The following RFTN1 variants were observed in gnomAD, a reference collection of about 807,000 sequenced individuals.
RFTN1 encodes the protein raftlin.
In RFTN1, 26 loss-of-function variants were observed where a neutral mutation model predicts 46.5. The ratio of observed to expected loss-of-function variants is 0.56; its 90% CI spans 0.41 to 0.78. The LOEUF (loss-of-function observed/expected upper bound fraction) is 0.78, where lower values mean the gene tolerates loss of function less well. Ranked by LOEUF, RFTN1 falls within the 30% of genes least tolerant of loss-of-function variation. The pLI is 0.00. For missense variants in RFTN1, 693 were observed against 718.7 expected, an observed-to-expected ratio of 0.96 and a Z score of 0.41; for synonymous variants, 261 against 284.2, an observed-to-expected ratio of 0.92 and a Z score of 0.82.
intron 5 of RFTN1, among the ~76,000 whole-genome samples, chr3:16,371,629 C>T (rs1455318228): frequency 1.3e-5 from 2 of 152,222 alleles, no homozygotes; most frequent in Non-Finnish European, 2.9e-5. Flanking sequence ...ATTACTTTGT[C>T]ATCAGCAATA....
rs1463447172 is a variant in RFTN1 at position 16,467,992 on chromosome 3, A to C, written c.145+25733T>G. Reference sequence around the variant, plus strand: ...ACTACTACCCCCAAATTAATTCCTCAGCAAGCCTTTCCCATTCATTATCAT... The same window carrying C: ...ACTACTACCCCCAAATTAATTCCTCCGCAAGCCTTTCCCATTCATTATCAT... On this transcript the variant is annotated intron_variant, in intron 2 of 9. Coordinates refer to ENST00000334133, the MANE Select transcript of RFTN1 (RefSeq NM_015150.2). Among the ~76,000 whole-genome samples, 6 of 152,340 alleles carry C rather than the reference A, an allele frequency of 3.9e-5. No individual in the cohort carries two copies. The East Asian group carries it at 1.2e-3, about 29-fold the overall frequency.
At position 16,499,289 on chromosome 3, in the gene RFTN1, A is replaced by G. The variant is rs1439940573; in HGVS notation, c.-8-5412T>C. Among the ~76,000 whole-genome samples the G allele has an allele frequency of 6.6e-6, 1 of 152,262 alleles. No individual in the cohort carries two copies. The highest frequency in any genetic ancestry group is 1.5e-5 in the Non-Finnish European group (1 of 68,042). On this transcript the variant is annotated intron_variant, in intron 1 of 9. Transcript: ENST00000334133. The surrounding 1 kb of genome is among the most constrained non-coding windows in gnomAD (Gnocchi z 4.9). ...GTCAATTACCCTGAATCTGGGCTCCAGGATGGCTTGACCAATAGAATATGA... is the reference window on the plus strand; with the variant it reads ...GTCAATTACCCTGAATCTGGGCTCCGGGATGGCTTGACCAATAGAATATGA...
rs183354653 is a variant in RFTN1, at chr3:16,320,685, C to T, written c.1332+2691G>A. On this transcript the variant is annotated intron_variant, in intron 9 of 9. Coordinates refer to ENST00000334133, the MANE Select transcript of RFTN1 (RefSeq NM_015150.2). The surrounding 1 kb of genome is among the most constrained non-coding windows in gnomAD (Gnocchi z 4.5). ...AGCACTGTTCTGAGAAAAGGATGCT[C>T]GAGTAGAGCTAGAAAGGAGGAGAAT... is the stretch of plus-strand genomic sequence containing the variant. Among the ~76,000 whole-genome samples the T allele has an allele frequency of 9.2e-5, 14 of 152,200 alleles. No individual in the cohort carries two copies. The East Asian group carries it at 1.5e-3, about 17-fold the overall frequency.
chr3:16,472,035 G>A (rs1248017294), intron 2 of RFTN1: 1 of 151,690 alleles, frequency 6.6e-6, no homozygotes, highest in Non-Finnish European at 1.5e-5. Context: ...AGCACCTCCT[G>A]AATATGGTTC....
chr3:16,488,046 C>T (rs943496367), intron 2 of RFTN1, among the ~76,000 whole-genome samples: 1 of 151,842 alleles, frequency 6.6e-6, no homozygotes, highest in Non-Finnish European at 1.5e-5. Flanking sequence ...TCTTCAACAA[C>T]AGCACTGAGC....
Position 16,345,829 on chromosome 3 carries a change from T to TGTGTGTGTGTGTGTGTGC in RFTN1, c.1146+12102_1146+12103insGCACACACACACACACAC, listed in dbSNP as rs758493435. ...GTGTGTGTGTGTGTGCGCGCGCGCG[T>TGTGTGTGTGTGTGTGTGC]GCGCGCACGCGCACATGTGCATGTG... is the stretch of plus-strand genomic sequence containing the variant. On this transcript the variant is annotated intron_variant, in intron 7 of 9. Transcript: ENST00000334133. The surrounding 1 kb of genome is among the most constrained non-coding windows in gnomAD (Gnocchi z 5.2). Among the ~76,000 whole-genome samples, 1 of 69,826 alleles carries TGTGTGTGTGTGTGTGTGC rather than the reference T, an allele frequency of 1.4e-5. No homozygotes were observed. Among genetic ancestry groups the TGTGTGTGTGTGTGTGTGC allele is most frequent in the African/African-American group, 5.3e-5 (1 of 18,858 alleles). 45.8% of individuals were successfully genotyped at this position (69,826 alleles called of 152,430 possible).
intron 3 of RFTN1, among the ~76,000 whole-genome samples, chr3:16,431,793 A>C (rs1265901202): frequency 6.6e-6 from 1 of 152,216 alleles, no homozygotes; most frequent in Non-Finnish European, 1.5e-5. Flanking sequence ...GTTGAGTAAT[A>C]AAAGTACTTC....
chr3:16,384,616 A>C lies in RFTN1; in HGVS notation c.442-6514T>G, dbSNP rs1299104644. On this transcript the variant is annotated intron_variant, in intron 4 of 9. Coordinates refer to ENST00000334133, the MANE Select transcript of RFTN1 (RefSeq NM_015150.2). The surrounding 1 kb of genome is among the most constrained non-coding windows in gnomAD (Gnocchi z 4.7). ...ATAACTGATGGATTTATTTTCTACA[A>C]GTTACATAATAAACTTAATGAAATG... Among the ~76,000 whole-genome samples, 2 of 152,226 alleles carry C rather than the reference A, an allele frequency of 1.3e-5. No individual in the cohort carries two copies. Among genetic ancestry groups the C allele is most frequent in the African/African-American group, 4.8e-5 (2 of 41,452 alleles).
chr3:16,511,569 T>C (rs1201861102), intron 1 of RFTN1, among the ~76,000 whole-genome samples: 2 of 152,098 alleles, frequency 1.3e-5, no homozygotes, highest in African/African-American at 4.8e-5. Context: ...AGTCACAGTG[T>C]CCTCTCCTTA....
rs1297650134 is a variant in RFTN1 at position 16,341,150 on chromosome 3, CAATACTT to C, written c.1147-14281_1147-14275del. Among the ~76,000 whole-genome samples the C allele has an allele frequency of 6.6e-6, 1 of 152,208 alleles. No individual in the cohort carries two copies. The highest frequency in any genetic ancestry group is 2.4e-5 in the African/African-American group (1 of 41,456). On this transcript the variant is annotated intron_variant, in intron 7 of 9. Coordinates refer to ENST00000334133, the MANE Select transcript of RFTN1 (RefSeq NM_015150.2). This position sits in a 1 kb window ranked among gnomAD's most constrained non-coding sequence, Gnocchi z 4.7. ...GAATGGCCAAGATCCAAAACACTGA[CAATACTT>C]AATGCCGGTGAGGATGTGGAACAAC...
intron 2 of RFTN1, among the ~76,000 whole-genome samples, chr3:16,435,144 T>C (rs1322370962): frequency 6.6e-6 from 1 of 152,246 alleles, no homozygotes; most frequent in Non-Finnish European, 1.5e-5. Context: ...TATCTTTTTG[T>C]GTGTATATGC....
chr3:16,510,355 G>C (rs1032334427), intron 1 of RFTN1, among the ~76,000 whole-genome samples: 1 of 152,102 alleles, frequency 6.6e-6, no homozygotes, highest in Non-Finnish European at 1.5e-5. Context: ...GTGGGGCTTG[G>C]GGTTATTTTT....
At chr3:16,511,436 T>G (rs941576076) in intron 1 of RFTN1, among the ~76,000 whole-genome samples, 1 of 152,166 alleles carries the variant, frequency 6.6e-6, no homozygotes, top group African/African-American at 2.4e-5. Context: ...GATGGCTGGA[T>G]GGTTGGGGGA....
intron 4 of RFTN1, among the ~76,000 whole-genome samples, chr3:16,391,000 CT>C (rs2074330958): frequency 6.6e-6 from 1 of 151,990 alleles, no homozygotes; most frequent in South Asian, 2.1e-4. Flanking sequence ...TCTGAAGAAT[CT>C]TTCTTTCTAA....
Position 16,425,396 on chromosome 3 carries a change from TTC to T in RFTN1, c.332+8453_332+8454del, listed in dbSNP as rs1472868213. ...CATTTGTTTGGGTACCTGCTCACTG[TTC>T]TCTGTCATTTCAAAATAGTTCTGGG... On this transcript the variant is annotated intron_variant, in intron 3 of 9. Coordinates refer to ENST00000334133, the MANE Select transcript of RFTN1 (RefSeq NM_015150.2). The surrounding 1 kb of genome is among the most constrained non-coding windows in gnomAD (Gnocchi z 4.3). Among the ~76,000 whole-genome samples, 1 of 152,232 alleles carries T rather than the reference TTC, an allele frequency of 6.6e-6. No homozygotes were observed. The highest frequency in any genetic ancestry group is 2.4e-5 in the African/African-American group (1 of 41,460).
Position 16,316,937 on chromosome 3 carries a change from T to TG in RFTN1, c.1627dup (p.His543ProfsTer25). ...GCAAATCCCCACCAGGGCCCTGCTGTGGCTGGCAGGACCATTCTGCACAGC... is the reference window on the plus strand; with the variant it reads ...GCAAATCCCCACCAGGGCCCTGCTGTGGGCTGGCAGGACCATTCTGCACAGC... On this transcript the variant is annotated frameshift_variant, in exon 10 of 10. Transcript: ENST00000334133. LOFTEE classifies it low-confidence loss of function (END_TRUNC). The surrounding 1 kb of genome is among the most constrained non-coding windows in gnomAD (Gnocchi z 4.5). The TG allele has an allele frequency of 6.2e-7, 1 of 1,614,108 alleles. No homozygotes were observed. The highest frequency in any genetic ancestry group is 8.5e-7 in the Non-Finnish European group (1 of 1,180,022).
rs1195146245 is a variant in RFTN1 at position 16,498,754 on chromosome 3, C to T, written c.-8-4877G>A. On this transcript the variant is annotated intron_variant, in intron 1 of 9. Coordinates refer to ENST00000334133, the MANE Select transcript of RFTN1 (RefSeq NM_015150.2). The surrounding 1 kb of genome is among the most constrained non-coding windows in gnomAD (Gnocchi z 5.2). ...TGCCACACCGGCATTCCTTTCATTT[C>T]GCCCTGGATTCTTCCACCAACTCCC... is the stretch of plus-strand genomic sequence containing the variant. 6.6e-6 allele frequency among the ~76,000 whole-genome samples: 1 copy of T among 152,168 alleles called. No homozygotes were observed. Among genetic ancestry groups the T allele is most frequent in the East Asian group, 1.9e-4 (1 of 5,200 alleles).
At chr3:16,328,406 G>A (rs1358902951) in intron 7 of RFTN1, among the ~76,000 whole-genome samples, 1 of 152,230 alleles carries the variant, frequency 6.6e-6, no homozygotes, top group African/African-American at 2.4e-5. Context: ...CAGCTCATCT[G>A]GATGCCCTGG....
At chr3:16,331,538 A>AT (rs2070312401) in intron 7 of RFTN1, among the ~76,000 whole-genome samples, 1 of 151,972 alleles carries the variant, frequency 6.6e-6, no homozygotes, top group Non-Finnish European at 1.5e-5. Context: ...TATTACCTCC[A>AT]TTTTTTTCAT....
Sources: gnomAD v4.1 joint callset for allele counts (sites outside exome capture counted in the v4.1 genomes callset) on GRCh38, gnomAD v4.1.1 for gene constraint, Gnocchi (gnomAD v3.1) non-coding constraint, MANE v1.5 for transcripts, NCBI Gene and HGNC (gene_info 2026-07-23, HGNC 2026-07-21) for gene names.